LMBRD2: variants seen among roughly 807,000 people sequenced by gnomAD.
The protein encoded by LMBRD2 is LMBR1 domain containing 2, also known as G protein-coupled receptor-associated protein LMBRD2.
LMBRD2 carries 55 observed loss-of-function variants against 94.4 expected under a neutral mutation model. That is an observed-to-expected ratio of 0.58 (90% CI 0.47 to 0.73). The LOEUF is 0.73. LMBRD2 is among the 30% of genes least tolerant of loss of function. LMBRD2 has a pLI of 0.00. For synonymous variants in LMBRD2, 246 were observed against 272.4 expected (o/e 0.90, Z 0.95); for missense variants, 640 against 831.9 (o/e 0.77, Z 2.84).
At position 36,105,083 on chromosome 5, in the gene LMBRD2, T is replaced by C. The variant is rs772016878; in HGVS notation, c.2012A>G (p.Glu671Gly). ...CAGAACTTACCTTCCTGATTCAGAT[T>C]CAAGAGGATCATCAGTGAATGTTTC... Reference protein sequence around the residue: ...NAETFTDDPLESESGRYQPGG... With the variant: ...NAETFTDDPLGSESGRYQPGG... The change falls in exon 17 of 18, where the codon GAA becomes GGA. Residue 671 changes from glutamate (E) to glycine (G), a missense_variant. Coordinates refer to ENST00000296603, the MANE Select transcript of LMBRD2 (RefSeq NM_001007527.2). 19 of 1,612,356 alleles carry C rather than the reference T, an allele frequency of 1.2e-5. No homozygotes were observed. Among genetic ancestry groups the C allele is most frequent in the Middle Eastern group, 1.6e-4 (1 of 6,068 alleles).
intron 13 of LMBRD2, 24 bp downstream of exon 13, chr5:36,114,399 GA>G: frequency 6.5e-7 from 1 of 1,546,134 alleles, no homozygotes; most frequent in Non-Finnish European, 8.6e-7. Flanking sequence ...AAGAGCAAAA[GA>G]AAAAACAATG....
chr5:36,121,134 T>C (rs1743879765), intron 9 of LMBRD2, among the ~76,000 whole-genome samples: 1 of 152,214 alleles, frequency 6.6e-6, no homozygotes. Context: ...TGCCTTTATA[T>C]GTTTATTGTC....
rs772687543 is a variant in LMBRD2, at chr5:36,122,371, A to G, written c.1029T>C (p.Asn343=). Residue 343 remains asparagine (N), a synonymous_variant, in exon 9 of 18, where the codon AAT becomes AAC. Transcript: ENST00000296603. The stretch of plus-strand genomic sequence containing the variant: ...CAAACTGATGAGTAGCACTAGTTTC[A>G]TTTTTTGCTACATCTTCTAGATAAA... ...QAFYLEDVAK[N]ETSATHQFVH... is the part of the protein sequence containing the mutation. 61 of 1,612,922 alleles carry G rather than the reference A, an allele frequency of 3.8e-5. No individual in the cohort carries two copies. Among genetic ancestry groups the G allele is most frequent in the Non-Finnish European group, 5.2e-5 (61 of 1,179,462 alleles).
At chr5:36,141,895 A>T (rs989205636) in intron 3 of LMBRD2, among the ~76,000 whole-genome samples, 2 of 152,166 alleles carry the variant, frequency 1.3e-5, no homozygotes, top group Non-Finnish European at 2.9e-5. Context: ...TTTTAAATTT[A>T]CCTTTTCTGA....
rs1305230527 is a variant in LMBRD2 at position 36,102,969 on chromosome 5, T to C, written c.*1077A>G. On this transcript the variant is annotated 3_prime_UTR_variant, in exon 18 of 18. Transcript: ENST00000296603. ...AATAAAACACTAGTGCTTTAAAATA[T>C]AATACATAAATTTATCTTAAACACA... 2.0e-5 allele frequency: 3 copies of C among 151,870 alleles called. No individual in the cohort carries two copies. Among genetic ancestry groups the C allele is most frequent in the African/African-American group, 7.2e-5 (3 of 41,440 alleles). 9.4% of individuals were successfully genotyped at this position (151,870 alleles called of 1,614,324 possible).
chr5:36,146,938 G>A, intron 1 of LMBRD2, among the ~76,000 whole-genome samples: 1 of 117,722 alleles, frequency 8.5e-6, no homozygotes, highest in African/African-American at 5.4e-5. Context: ...GTGTGTGTGT[G>A]TGAGTGTGTG....
intron 13 of LMBRD2, 129 bp downstream of exon 13, chr5:36,114,295 C>A: frequency 8.7e-7 from 1 of 1,154,930 alleles, no homozygotes; most frequent in Non-Finnish European, 1.2e-6. Context: ...TCCCTTCAAA[C>A]TATCCCCAGC....
intron 1 of LMBRD2, among the ~76,000 whole-genome samples, chr5:36,148,898 A>G (rs1037897622): frequency 6.6e-6 from 1 of 152,234 alleles, no homozygotes; most frequent in African/African-American, 2.4e-5. Context: ...TTTCTTTTAG[A>G]TATATCAGGA....
chr5:36,125,229 T>C (rs918648665), intron 6 of LMBRD2, among the ~76,000 whole-genome samples: 6 of 152,172 alleles, frequency 3.9e-5, no homozygotes, highest in African/African-American at 1.4e-4. Context: ...TTTAAGAAGT[T>C]GAAACCACTG....
chr5:36,142,593 A>G lies in LMBRD2; in HGVS notation c.181T>C (p.Tyr61His), dbSNP rs974720391. 1 of 1,595,292 alleles carries G rather than the reference A, an allele frequency of 6.3e-7. No individual in the cohort carries two copies. Among genetic ancestry groups the G allele is most frequent in the African/African-American group, 1.3e-5 (1 of 74,580 alleles). Residue 61 changes from tyrosine (Y) to histidine (H), a missense_variant, in exon 3 of 18, where the codon TAC becomes CAC. Transcript: ENST00000296603. ...GCAGCAGCATGCTTGCACCGGTTGT[A>G]TATTGTCTAAAGCAACGAATGTATG... ...ILPLDVSTTI[Y>H]NRCKHAAANS...
chr5:36,122,221 C>T, intron 9 of LMBRD2, 59 bp downstream of exon 9: 3 of 1,269,592 alleles, frequency 2.4e-6, no homozygotes, highest in Non-Finnish European at 3.3e-6. Flanking sequence ...AAATACATAA[C>T]TTCTTTCTAC....
At chr5:36,142,073 G>C (rs908332888) in intron 3 of LMBRD2, among the ~76,000 whole-genome samples, 7 of 152,096 alleles carry the variant, frequency 4.6e-5, no homozygotes, top group African/African-American at 1.4e-4. Context: ...AATCTATAAT[G>C]CTTTTGAAGG....
chr5:36,140,523 T>C (rs1386127006), intron 4 of LMBRD2, among the ~76,000 whole-genome samples: 1 of 152,206 alleles, frequency 6.6e-6, no homozygotes, highest in Non-Finnish European at 1.5e-5. Flanking sequence ...TTAACAAGCA[T>C]GACTCTTCCA....
At chr5:36,125,106 G>A (rs1025129114) in intron 6 of LMBRD2, among the ~76,000 whole-genome samples, 1 of 152,096 alleles carries the variant, frequency 6.6e-6, no homozygotes, top group Non-Finnish European at 1.5e-5. Flanking sequence ...GTCCAGTAAT[G>A]GATAATTAAA....
chr5:36,114,357 A>G (rs1743688398), intron 13 of LMBRD2, 67 bp downstream of exon 13: 2 of 1,491,812 alleles, frequency 1.3e-6, no homozygotes, highest in Non-Finnish European at 8.9e-7. Flanking sequence ...AAATATTTAA[A>G]AGAGCTTTAA....
At chr5:36,117,615 T>A (rs1367195050) in intron 10 of LMBRD2, 120 bp downstream of exon 10, 4 of 607,472 alleles carry the variant, frequency 6.6e-6, no homozygotes, top group Non-Finnish European at 1.1e-5. Context: ...GAAGTTTGAA[T>A]AACAACACTG....
At chr5:36,135,794 A>G (rs1015344062) in intron 6 of LMBRD2, among the ~76,000 whole-genome samples, 4 of 152,184 alleles carry the variant, frequency 2.6e-5, no homozygotes, top group Non-Finnish European at 5.9e-5. Flanking sequence ...AACTTTGTGA[A>G]ACTAGGTTAA....
In LMBRD2 at chr5:36,099,771, AT is replaced by A. The variant is rs1429768013; in HGVS notation, c.*4274del. ...ATTTTTCCCAAGGAGTGTGTAAAAA[AT>A]AAATGTCTTTTAGGATATTGATGAG... On this transcript the variant is annotated 3_prime_UTR_variant, in exon 18 of 18. Coordinates refer to ENST00000296603, the MANE Select transcript of LMBRD2 (RefSeq NM_001007527.2). 1.3e-5 allele frequency: 2 copies of A among 152,162 alleles called. No individual in the cohort carries two copies. Among genetic ancestry groups the A allele is most frequent in the African/African-American group, 2.4e-5 (1 of 41,456 alleles). 9.4% of individuals were successfully genotyped at this position (152,162 alleles called of 1,614,324 possible).
chr5:36,117,742 T>C lies in LMBRD2; in HGVS notation c.1295A>G (p.Tyr432Cys), dbSNP rs1249522774. The C allele has an allele frequency of 6.3e-7, 1 of 1,598,968 alleles. No individual in the cohort carries two copies. The highest frequency in any genetic ancestry group is 8.5e-7 in the Non-Finnish European group (1 of 1,171,864). ...QLAEKTYNYI[Y>C]IEIACFLSIF... The stretch of plus-strand genomic sequence containing the variant: ...GACATAAAATAAACTGACCTCGATA[T>C]AAATATAATTATATGTTTTTTCTGC... Residue 432 changes from tyrosine (Y) to cysteine (C), a missense_variant, in exon 10 of 18, where the codon TAT (tyrosine) becomes TGT (cysteine). Coordinates refer to ENST00000296603, the MANE Select transcript of LMBRD2 (RefSeq NM_001007527.2).
Sources: allele counts gnomAD v4.1 joint callset (sites outside exome capture counted in the v4.1 genomes callset), GRCh38; gene constraint gnomAD v4.1.1; transcripts MANE v1.5; gene names NCBI Gene and HGNC (gene_info 2026-07-23, HGNC 2026-07-21).